STPG2: variants seen among roughly 807,000 people sequenced by gnomAD.
STPG2 encodes sperm-tail PG-rich repeat-containing protein 2.
STPG2 carries 56 observed loss-of-function variants against 54.2 expected under a neutral mutation model. The observed-to-expected ratio is 1.03, with a 90% CI of 0.83 to 1.29. STPG2 has a LOEUF of 1.29. Ranked by LOEUF, STPG2 falls within the 50% of genes most tolerant of loss-of-function variation. The probability of loss-of-function intolerance (pLI) is 0.00; values close to 1 mark genes in which losing one functional copy is unlikely to be tolerated. For synonymous variants in STPG2, 200 were observed against 181.8 expected, an observed-to-expected ratio of 1.10 and a Z score of -0.81; for missense variants, 596 against 544.9, an observed-to-expected ratio of 1.09 and a Z score of -0.93.
chr4:97,675,119 T>C (rs1190162169), intron 10 of STPG2, among the ~76,000 whole-genome samples: 1 of 152,104 alleles, frequency 6.6e-6, no homozygotes, highest in Non-Finnish European at 1.5e-5. Flanking sequence ...TTCTCCTGCC[T>C]CAGCCTCCCG....
At chr4:98,057,242 G>A (rs1168953062) in intron 5 of STPG2, among the ~76,000 whole-genome samples, 1 of 152,172 alleles carries the variant, frequency 6.6e-6, no homozygotes, top group Non-Finnish European at 1.5e-5. Flanking sequence ...TTCAGAATAT[G>A]GATAGGAATG....
intron 8 of STPG2, among the ~76,000 whole-genome samples, chr4:97,906,408 T>C (rs534577334): frequency 6.6e-6 from 1 of 152,148 alleles, no homozygotes; most frequent in Non-Finnish European, 1.5e-5. Context: ...CAGGACCAGA[T>C]GGATTCACAG....
chr4:97,860,047 C>A (rs2149139513), intron 8 of STPG2, among the ~76,000 whole-genome samples: 1 of 152,272 alleles, frequency 6.6e-6, no homozygotes, highest in Middle Eastern at 3.4e-3. Context: ...AAGAATTTGG[C>A]TTTATTTCTG....
intron 1 of STPG2, among the ~76,000 whole-genome samples, chr4:98,141,058 A>AT (rs34311136): frequency 0.4 from 59,930 of 151,642 alleles, 12,092 homozygotes; most frequent in African/African-American, 0.45. Context: ...CTAAGCTCTG[A>AT]TTTTTTTTAT....
At chr4:97,806,135 G>A (rs1352490674) in intron 9 of STPG2, among the ~76,000 whole-genome samples, 1 of 152,164 alleles carries the variant, frequency 6.6e-6, no homozygotes, top group African/African-American at 2.4e-5. Context: ...TAAAACAGTG[G>A]ATTAGATAAA....
intron 7 of STPG2, among the ~76,000 whole-genome samples, chr4:97,946,117 C>A (rs539771911): frequency 5.9e-5 from 9 of 151,900 alleles, no homozygotes; most frequent in African/African-American, 1.9e-4. Context: ...TATCTCATTG[C>A]GGTTTTAATT....
chr4:97,450,746 T>A (rs1464252137), intron 4 of STPG2, among the ~76,000 whole-genome samples: 5 of 152,270 alleles, frequency 3.3e-5, no homozygotes, highest in African/African-American at 1.2e-4. Flanking sequence ...AGGATTTTGG[T>A]GATGACAAAA....
At chr4:98,054,842 T>G (rs193006008) in intron 5 of STPG2, among the ~76,000 whole-genome samples, 79 of 152,270 alleles carry the variant, frequency 5.2e-4, no homozygotes, top group Non-Finnish European at 8.5e-4. Flanking sequence ...TAATAAAATT[T>G]TTTATTATAA....
chr4:97,513,575 TCTA>T (rs1473183724), intron 4 of STPG2, among the ~76,000 whole-genome samples: 1 of 152,080 alleles, frequency 6.6e-6, no homozygotes, highest in African/African-American at 2.4e-5. Context: ...TCCCAAGGGT[TCTA>T]CTGTGTGCCA....
At chr4:98,104,766 T>A (rs1327876399) in intron 5 of STPG2, among the ~76,000 whole-genome samples, 1 of 152,210 alleles carries the variant, frequency 6.6e-6, no homozygotes, top group African/African-American at 2.4e-5. Flanking sequence ...TAATTAGAGG[T>A]AAATTACCCT....
chr4:97,615,222 G>C (rs1279423370), intron 10 of STPG2, among the ~76,000 whole-genome samples: 7 of 151,926 alleles, frequency 4.6e-5, no homozygotes, highest in African/African-American at 1.7e-4. Context: ...CTTTTTTAAT[G>C]CCTCAAACTA....
chr4:97,636,615 A>G (rs1308668692), intron 10 of STPG2, among the ~76,000 whole-genome samples: 2 of 151,242 alleles, frequency 1.3e-5, no homozygotes, highest in Admixed American at 1.3e-4. Context: ...AAAGAAAAAA[A>G]GAGAGAAGAA....
chr4:97,896,509 TA>T (rs1730958251), intron 8 of STPG2, among the ~76,000 whole-genome samples: 1 of 151,734 alleles, frequency 6.6e-6, no homozygotes, highest in Non-Finnish European at 1.5e-5. Flanking sequence ...ACAGAAAATT[TA>T]AAAAATTAAA....
chr4:97,809,209 C>CTA (rs1273778148), intron 9 of STPG2, among the ~76,000 whole-genome samples: 1 of 152,026 alleles, frequency 6.6e-6, no homozygotes, highest in Non-Finnish European at 1.5e-5. Context: ...ATCTCAAGTC[C>CTA]TATAAACACA....
At chr4:97,953,398 T>C (rs762670177) in intron 7 of STPG2, among the ~76,000 whole-genome samples, 6 of 152,190 alleles carry the variant, frequency 3.9e-5, no homozygotes, top group Non-Finnish European at 8.8e-5. Context: ...GCCATAAGCC[T>C]TCCCCACAGA....
intron 9 of STPG2, among the ~76,000 whole-genome samples, chr4:97,740,439 A>G (rs1725185007): frequency 6.6e-6 from 1 of 152,180 alleles, no homozygotes; most frequent in Non-Finnish European, 1.5e-5. Context: ...TTTGCAGATG[A>G]CATGATTGTA....
At chr4:97,448,470 G>T (rs946425828) in intron 4 of STPG2, among the ~76,000 whole-genome samples, 3 of 152,142 alleles carry the variant, frequency 2.0e-5, no homozygotes, top group African/African-American at 7.2e-5. Flanking sequence ...GATCATGGGG[G>T]TGTTTTCCCC....
chr4:98,116,874 T>C (rs936346288), intron 3 of STPG2, among the ~76,000 whole-genome samples: 1 of 151,998 alleles, frequency 6.6e-6, no homozygotes, highest in Non-Finnish European at 1.5e-5. Context: ...AAAAGTTTTA[T>C]AGCATGAAAC....
At chr4:97,744,518 C>T (rs1340222441) in intron 9 of STPG2, among the ~76,000 whole-genome samples, 1 of 151,068 alleles carries the variant, frequency 6.6e-6, no homozygotes, top group Non-Finnish European at 1.5e-5. Flanking sequence ...GTTTTGCTTA[C>T]TATTAGATTC....
Sources: allele counts gnomAD v4.1 joint callset (sites outside exome capture counted in the v4.1 genomes callset), GRCh38; gene constraint gnomAD v4.1.1; transcripts MANE v1.5; gene names NCBI Gene and HGNC (gene_info 2026-07-23, HGNC 2026-07-21).